Variants in SVEP1 observed in about 807,000 individuals in gnomAD.
The protein encoded by SVEP1 is sushi, von Willebrand factor type A, EGF and pentraxin domain containing 1.
SVEP1 carries 164 observed loss-of-function variants against 367.3 expected under a neutral mutation model. The observed-to-expected ratio is 0.45, with a 90% CI of 0.39 to 0.51. The LOEUF (loss-of-function observed/expected upper bound fraction) is 0.51. SVEP1 is among the 20% of genes least tolerant of loss of function. The probability of loss-of-function intolerance (pLI) is 0.00; values close to 1 mark genes in which losing one functional copy is unlikely to be tolerated. For missense variants in SVEP1, 4,117 were observed against 4,425.3 expected, an observed-to-expected ratio of 0.93 and a Z score of 1.98; for synonymous variants, 1,666 against 1,611.6, an observed-to-expected ratio of 1.03 and a Z score of -0.81.
At chr9:110,551,064 T>C (rs990643675) in intron 1 of SVEP1, among the ~76,000 whole-genome samples, 1 of 152,136 alleles carries the variant, frequency 6.6e-6, no homozygotes, top group Non-Finnish European at 1.5e-5. Context: ...AAAAAATAAA[T>C]TAATTTTTAA....
intron 14 of SVEP1, among the ~76,000 whole-genome samples, chr9:110,475,251 T>C (rs1224471454): frequency 2.6e-5 from 4 of 152,188 alleles, no homozygotes. Context: ...GTATTCGAAA[T>C]GGAAAAGATG....
At chr9:110,569,700 C>T (rs923674528) in intron 1 of SVEP1, among the ~76,000 whole-genome samples, 1 of 151,896 alleles carries the variant, frequency 6.6e-6, no homozygotes, top group Non-Finnish European at 1.5e-5. Context: ...TAAATTTTTC[C>T]TTAATTAGTT....
chr9:110,463,381 TAACA>T (rs1481065237), intron 18 of SVEP1, among the ~76,000 whole-genome samples: 1 of 152,128 alleles, frequency 6.6e-6, no homozygotes, highest in Non-Finnish European at 1.5e-5. Context: ...TATATTACTT[TAACA>T]AACTAATATA....
chr9:110,416,422 A>G (rs1447392720), intron 36 of SVEP1, among the ~76,000 whole-genome samples: 1 of 152,024 alleles, frequency 6.6e-6, no homozygotes, highest in Non-Finnish European at 1.5e-5. Context: ...TAGAAGAAAA[A>G]TCAGTGAACT....
At chr9:110,577,416 G>C (rs534782761) in intron 1 of SVEP1, among the ~76,000 whole-genome samples, 1 of 152,138 alleles carries the variant, frequency 6.6e-6, no homozygotes, top group African/African-American at 2.4e-5. Context: ...AGTAGTGCTG[G>C]GACAACTGGT....
intron 18 of SVEP1, among the ~76,000 whole-genome samples, chr9:110,461,402 A>G (rs922881234): frequency 2.6e-5 from 4 of 152,188 alleles, no homozygotes; most frequent in African/African-American, 9.6e-5. Flanking sequence ...GTCTGCATAA[A>G]TGTAAGTATG....
At chr9:110,572,872 A>G (rs920067217) in intron 1 of SVEP1, among the ~76,000 whole-genome samples, 2 of 150,422 alleles carry the variant, frequency 1.3e-5, no homozygotes, top group Non-Finnish European at 2.9e-5. Context: ...TGTTGTACGT[A>G]CTGAGGATTT....
intron 9 of SVEP1, among the ~76,000 whole-genome samples, chr9:110,487,759 T>C (rs1481882337): frequency 6.6e-6 from 1 of 152,196 alleles, no homozygotes. Flanking sequence ...AAGTGGTTTA[T>C]ATATTATCAC....
Position 110,430,520 on chromosome 9 carries a change from G to C in SVEP1, c.5354-70C>G. ...AACCATGCAAAGTCTCACAGCAAAAGAATTCCACTATAGTTAAGAAACCTG... is the reference window on the plus strand; with the variant it reads ...AACCATGCAAAGTCTCACAGCAAAACAATTCCACTATAGTTAAGAAACCTG... On this transcript the variant is annotated intron_variant, in intron 32 of 47. Coordinates refer to ENST00000374469, the MANE Select transcript of SVEP1 (RefSeq NM_153366.4). 5 of 1,462,184 alleles carry C rather than the reference G, an allele frequency of 3.4e-6. No homozygotes were observed. The South Asian group carries it at 6.7e-5, about 20-fold the overall frequency. The allele number at this position is 1,462,184 out of a possible 1,614,324, so 90.6% of individuals were successfully genotyped here. A position where few individuals can be genotyped will look rare whatever the true frequency, so the allele number is the denominator to read the frequency against.
chr9:110,433,618 C>T (rs1290751907), intron 30 of SVEP1, among the ~76,000 whole-genome samples: 1 of 151,804 alleles, frequency 6.6e-6, no homozygotes, highest in African/African-American at 2.4e-5. Context: ...ATTACTGGCA[C>T]ACACCACTAC....
At chr9:110,539,147 T>C (rs982840532) in intron 3 of SVEP1, among the ~76,000 whole-genome samples, 15 of 152,036 alleles carry the variant, frequency 9.9e-5, no homozygotes, top group Non-Finnish European at 7.4e-5. Context: ...TTACTTACTA[T>C]AGGCTCTGAA....
intron 2 of SVEP1, 132 bp downstream of exon 2, chr9:110,549,717 A>G: frequency 7.8e-6 from 9 of 1,152,566 alleles, no homozygotes; most frequent in Admixed American, 2.5e-5. Flanking sequence ...TGATGCCCAA[A>G]GGACACATGG....
intron 42 of SVEP1, 41 bp from the exon 43 acceptor site, chr9:110,386,115 C>CTTTTCCTAATGT (rs1827518362): frequency 6.3e-7 from 1 of 1,581,372 alleles, no homozygotes; most frequent in Admixed American, 1.8e-5. Context: ...TATTTCCCCT[C>CTTTTCCTAATGT]TTTTCCTAAT....
chr9:110,395,566 TAA>T (rs926036692), intron 40 of SVEP1, among the ~76,000 whole-genome samples: 3 of 151,982 alleles, frequency 2.0e-5, no homozygotes, highest in East Asian at 1.9e-4. Context: ...GCAAAATGGA[TAA>T]AGAGTCAAGA....
chr9:110,579,461 C>G lies in SVEP1; in HGVS notation c.83G>C (p.Arg28Pro). Residue 28 changes from arginine to proline, a missense_variant, in exon 1 of 48, where the codon CGC becomes CCC. Physicochemically the swap from Arg to Pro is moderately radical, Grantham distance 103 (BLOSUM62 -2). This residue lies in a region of SVEP1 where 161 missense variants were observed against 122.4 expected (regional missense o/e 1.32). Coordinates refer to ENST00000374469, the MANE Select transcript of SVEP1 (RefSeq NM_153366.4). The surrounding 1 kb of genome is among the most constrained non-coding windows in gnomAD (Gnocchi z 5.3). ...WATFQQMSPS[R>P]NFSFRLFPET... ...GGGGAAGAGGCGGAAGCTGAAATTGCGCGACGGGGACATCTGCTGAAAGGT... is the reference window on the plus strand; with the variant it reads ...GGGGAAGAGGCGGAAGCTGAAATTGGGCGACGGGGACATCTGCTGAAAGGT... 6.2e-7 allele frequency: 1 copy of G among 1,601,108 alleles called. No individual in the cohort carries two copies. The highest frequency in any genetic ancestry group is 8.5e-7 in the Non-Finnish European group (1 of 1,174,880).
intron 45 of SVEP1, among the ~76,000 whole-genome samples, chr9:110,376,167 T>C (rs1827347710): frequency 6.6e-6 from 1 of 152,172 alleles, no homozygotes; most frequent in African/African-American, 2.4e-5. Context: ...AATGCAGATA[T>C]CAGGTACCAA....
At chr9:110,489,166 C>T (rs1217251528) in intron 9 of SVEP1, among the ~76,000 whole-genome samples, 1 of 152,162 alleles carries the variant, frequency 6.6e-6, no homozygotes, top group Non-Finnish European at 1.5e-5. Flanking sequence ...GAGCAAGTTT[C>T]AATGCCAGTT....
chr9:110,398,615 G>A (rs145047684), intron 40 of SVEP1, among the ~76,000 whole-genome samples: 1 of 152,096 alleles, frequency 6.6e-6, no homozygotes, highest in East Asian at 1.9e-4. Context: ...CTAATACCCA[G>A]AATCTACAAT....
chr9:110,564,025 C>T (rs1473025557), intron 1 of SVEP1, among the ~76,000 whole-genome samples: 1 of 152,170 alleles, frequency 6.6e-6, no homozygotes, highest in Non-Finnish European at 1.5e-5. Flanking sequence ...AAAGGGACAA[C>T]CCTCATGGGT....
Sources: gnomAD v4.1 joint callset for allele counts (sites outside exome capture counted in the v4.1 genomes callset) on GRCh38, gnomAD v4.1.1 for gene constraint, gnomAD v4.1.1 regional missense constraint, Gnocchi (gnomAD v3.1) non-coding constraint, MANE v1.5 for transcripts, NCBI Gene and HGNC (gene_info 2026-07-23, HGNC 2026-07-21) for gene names.